COL28A1: variants seen among roughly 807,000 people sequenced by gnomAD.
The protein encoded by COL28A1 is collagen alpha-1(XXVIII) chain.
Under a neutral mutation model 150.2 loss-of-function variants are expected in COL28A1, and 161 were observed. The ratio of observed to expected loss-of-function variants is 1.07; its 90% CI spans 0.94 to 1.22. The LOEUF (loss-of-function observed/expected upper bound fraction) is 1.22. Ranked by LOEUF, COL28A1 falls within the 50% of genes most tolerant of loss-of-function variation. The pLI is 0.00. For synonymous variants in COL28A1, 552 were observed against 469.7 expected (o/e 1.18, Z -2.26); for missense variants, 1,617 against 1,388.3 (o/e 1.16, Z -2.62).
At chr7:7,439,014 T>C (rs1785552692) in intron 21 of COL28A1, among the ~76,000 whole-genome samples, 1 of 152,192 alleles carries the variant, frequency 6.6e-6, no homozygotes, top group Non-Finnish European at 1.5e-5. Context: ...ATGAGCTGTA[T>C]CTATGCTATG....
intron 13 of COL28A1, among the ~76,000 whole-genome samples, chr7:7,488,147 T>C (rs1268938436): frequency 6.6e-6 from 1 of 152,216 alleles, no homozygotes; most frequent in African/African-American, 2.4e-5. Flanking sequence ...AGGAAGTTTG[T>C]TAAGCAGAAA....
At chr7:7,371,548 C>G (rs1374426355) in intron 32 of COL28A1, among the ~76,000 whole-genome samples, 1 of 152,230 alleles carries the variant, frequency 6.6e-6, no homozygotes, top group African/African-American at 2.4e-5. Context: ...CCAGCCACAT[C>G]AGACTCCACT....
intron 15 of COL28A1, among the ~76,000 whole-genome samples, chr7:7,462,534 C>T (rs528060737): frequency 6.6e-6 from 1 of 152,184 alleles, no homozygotes; most frequent in Admixed American, 6.5e-5. Context: ...TAAATAAAAA[C>T]AATCAAAACT....
At chr7:7,484,285 A>G (rs908125477) in intron 13 of COL28A1, among the ~76,000 whole-genome samples, 1 of 152,214 alleles carries the variant, frequency 6.6e-6, no homozygotes, top group African/African-American at 2.4e-5. Context: ...GCCAGCAGAC[A>G]ATGGAATTAG....
chr7:7,501,822 T>A (rs1206314378), intron 11 of COL28A1, among the ~76,000 whole-genome samples: 1 of 152,146 alleles, frequency 6.6e-6, no homozygotes, highest in East Asian at 1.9e-4. Context: ...CAATTTCAGT[T>A]TGGTCTCAGG....
rs1201462046 is a variant in COL28A1, at chr7:7,531,370, A to G, written c.659T>C (p.Val220Ala). The G allele has an allele frequency of 8.5e-6, 13 of 1,537,404 alleles. No individual in the cohort carries two copies. The Admixed American group carries it at 1.8e-4, about 22-fold the overall frequency. The change falls in exon 3 of 35, where the codon GTA becomes GCA. Residue 220 changes from valine to alanine, a missense_variant. Val to Ala is a moderately conservative substitution (Grantham distance 64, BLOSUM62 0). Transcript: ENST00000399429. ...PTLLLSDPTLVDKIQDRLDIL... is the reference protein window; with the variant it reads ...PTLLLSDPTLADKIQDRLDIL... ...TACCAGACGATCTTGAATTTTATCT[A>G]CAAGGGTTGGATCACTCAACAGTAA...
At chr7:7,348,575 G>A in the COL28A1 span, among the ~76,000 whole-genome samples, 5,081 of 151,966 alleles carry the variant, frequency 0.033, 136 homozygotes, top group Non-Finnish European at 0.052. Flanking sequence ...TATTTAAAGC[G>A]TACAATTTAA....
chr7:7,371,635 C>A (rs1781226926), intron 32 of COL28A1, among the ~76,000 whole-genome samples: 1 of 152,164 alleles, frequency 6.6e-6, no homozygotes, highest in Non-Finnish European at 1.5e-5. Context: ...AGGTACAGGC[C>A]TGCCAGAATG....
chr7:7,507,077 G>A, intron 10 of COL28A1, 40 bp downstream of exon 10: 1 of 913,666 alleles, frequency 1.1e-6, no homozygotes, highest in Non-Finnish European at 1.8e-6. Flanking sequence ...CTCCCCAGGT[G>A]ATTCTAATTC....
At chr7:7,398,416 C>A (rs1370911261) in intron 27 of COL28A1, among the ~76,000 whole-genome samples, 1 of 152,084 alleles carries the variant, frequency 6.6e-6, no homozygotes, top group African/African-American at 2.4e-5. Flanking sequence ...GAATATTTGC[C>A]AATAATCTCA....
chr7:7,433,022 C>T (rs569296191), intron 23 of COL28A1, among the ~76,000 whole-genome samples: 25 of 152,022 alleles, frequency 1.6e-4, no homozygotes, highest in East Asian at 1.4e-3. Context: ...CCGAATTATA[C>T]GGGGAATAAA....
chr7:7,473,848 T>A (rs939064248), intron 15 of COL28A1, among the ~76,000 whole-genome samples: 2 of 151,426 alleles, frequency 1.3e-5, no homozygotes, highest in African/African-American at 4.8e-5. Flanking sequence ...AGTGTGTGTG[T>A]TTGTTTATAT....
chr7:7,488,397 T>A (rs1172364400), intron 13 of COL28A1, among the ~76,000 whole-genome samples: 1 of 152,210 alleles, frequency 6.6e-6, no homozygotes, highest in African/African-American at 2.4e-5. Flanking sequence ...TTTCTGTGAA[T>A]ATACACATGT....
chr7:7,405,771 G>T (rs974646715), intron 27 of COL28A1, among the ~76,000 whole-genome samples: 1 of 151,992 alleles, frequency 6.6e-6, no homozygotes, highest in African/African-American at 2.4e-5. Flanking sequence ...ATCTAAGAGG[G>T]CCATGGAAAC....
chr7:7,516,666 C>A (rs1288306870), intron 7 of COL28A1, among the ~76,000 whole-genome samples: 1 of 152,126 alleles, frequency 6.6e-6, no homozygotes, highest in African/African-American at 2.4e-5. Flanking sequence ...GCTGAAGAAA[C>A]CTATTTAATA....
chr7:7,373,442 T>G lies in COL28A1; in HGVS notation c.2464A>C (p.Lys822Gln). ...AGAGCAACCCGGTCAGCCATAGTCT[T>G]CACAAAATTTTTAATGATCTGAAAG... ...ENFQIIKNFVKTMADRVALDL... is the reference protein window; with the variant it reads ...ENFQIIKNFVQTMADRVALDL... The change falls in exon 32 of 35, where the codon AAG becomes CAG. Residue 822 changes from lysine to glutamine, a missense_variant. Physicochemically the swap from Lys to Gln is moderately conservative, Grantham distance 53. Coordinates refer to ENST00000399429, the MANE Select transcript of COL28A1 (RefSeq NM_001037763.3). This position sits in a 1 kb window ranked among gnomAD's most constrained non-coding sequence, Gnocchi z 4.1. 6.2e-7 allele frequency: 1 copy of G among 1,614,142 alleles called. No individual in the cohort carries two copies. The highest frequency in any genetic ancestry group is 8.5e-7 in the Non-Finnish European group (1 of 1,180,012).
chr7:7,453,322 T>A (rs775396223), intron 17 of COL28A1, 118 bp downstream of exon 17: 1 of 737,920 alleles, frequency 1.4e-6, no homozygotes, highest in Non-Finnish European at 2.4e-6. Context: ...TTGCATTAAG[T>A]AGAGATCTCT....
At chr7:7,414,753 T>C (rs940697927) in intron 27 of COL28A1, among the ~76,000 whole-genome samples, 7 of 152,182 alleles carry the variant, frequency 4.6e-5, no homozygotes, top group African/African-American at 1.7e-4. Context: ...GTGAGTCTCT[T>C]CCAAACTGAT....
At chr7:7,474,552 T>G (rs896029833) in intron 15 of COL28A1, 49 bp downstream of exon 15, 1 of 860,136 alleles carries the variant, frequency 1.2e-6, no homozygotes, top group Non-Finnish European at 2.0e-6. Flanking sequence ...TAAAGAACAA[T>G]GACAATTTTA....
Sources: gnomAD v4.1 joint callset for allele counts (sites outside exome capture counted in the v4.1 genomes callset) on GRCh38, gnomAD v4.1.1 for gene constraint, Gnocchi (gnomAD v3.1) non-coding constraint, MANE v1.5 for transcripts, NCBI Gene and HGNC (gene_info 2026-07-23, HGNC 2026-07-21) for gene names.